ANKRD27: variants seen among roughly 807,000 people sequenced by gnomAD.
ANKRD27 encodes the protein ankyrin repeat domain 27.
Under a neutral mutation model 129.7 loss-of-function variants are expected in ANKRD27, and 112 were observed. The observed-to-expected ratio is 0.86, with a 90% confidence interval of 0.74 to 1.01. The LOEUF (loss-of-function observed/expected upper bound fraction) is 1.01. ANKRD27 is among the 50% of genes least tolerant of loss of function. The pLI, the probability that ANKRD27 is intolerant of heterozygous loss-of-function variation, is 0.00. For missense variants in ANKRD27, 1,258 were observed against 1,300.5 expected, an observed-to-expected ratio of 0.97 and a Z score of 0.50; for synonymous variants, 516 against 511.2, an observed-to-expected ratio of 1.01 and a Z score of -0.13.
chr19:32,664,901 CAG>C (rs1376418508), intron 1 of ANKRD27, among the ~76,000 whole-genome samples: 5 of 116,514 alleles, frequency 4.3e-5, no homozygotes, highest in Non-Finnish European at 6.5e-5. Flanking sequence ...GCCTGGGTGA[CAG>C]AGTGAGACTC....
intron 28 of ANKRD27, among the ~76,000 whole-genome samples, chr19:32,598,905 C>T (rs1407393907): frequency 6.6e-6 from 1 of 152,168 alleles, no homozygotes; most frequent in Non-Finnish European, 1.5e-5. Flanking sequence ...AAATTCTCAT[C>T]AGCAACAAGG....
At chr19:32,599,931 A>G (rs749189618) in intron 27 of ANKRD27, 41 bp downstream of exon 27, 5 of 1,570,386 alleles carry the variant, frequency 3.2e-6, no homozygotes, top group Middle Eastern at 1.7e-4. Flanking sequence ...GGAGTAAACT[A>G]GGGGCAAAAG....
At chr19:32,625,146 C>T (rs1014427674) in intron 17 of ANKRD27, among the ~76,000 whole-genome samples, 1 of 151,552 alleles carries the variant, frequency 6.6e-6, no homozygotes, top group Non-Finnish European at 1.5e-5. Flanking sequence ...ATCCCAGCTA[C>T]TCGGGAGGCT....
At position 32,607,956 on chromosome 19, in the gene ANKRD27, ATGG is replaced by A. The variant is rs1971773353; in HGVS notation, c.2176-127_2176-125del. 4 of 993,710 alleles carry A rather than the reference ATGG, an allele frequency of 4.0e-6. No individual in the cohort carries two copies. The East Asian group carries it at 1.0e-4, about 26-fold the overall frequency. 61.6% of individuals were successfully genotyped at this position (993,710 alleles called of 1,614,324 possible). ...ATGCGGGATCATGGCGGGATCCAGGATGGATTCCAATTTGTTTAGAAGTATGTG... is the reference window on the plus strand; with the variant it reads ...ATGCGGGATCATGGCGGGATCCAGGAATTCCAATTTGTTTAGAAGTATGTG... On this transcript the variant is annotated intron_variant, in intron 22 of 28. Coordinates refer to ENST00000306065, the MANE Select transcript of ANKRD27 (RefSeq NM_032139.3).
chr19:32,647,628 T>C (rs147030707), intron 3 of ANKRD27, among the ~76,000 whole-genome samples: 198 of 152,320 alleles, frequency 1.3e-3, no homozygotes, highest in African/African-American at 4.3e-3. Context: ...TGTCAGTGCA[T>C]CTGCTCTGCC....
At chr19:32,642,946 C>A in intron 9 of ANKRD27, 177 bp downstream of exon 9, 1 of 650,490 alleles carries the variant, frequency 1.5e-6, no homozygotes, top group East Asian at 2.7e-5. Context: ...GGGACGGCCA[C>A]ACACAGTCAC....
At chr19:32,630,449 C>T (rs1262314377) in intron 13 of ANKRD27, among the ~76,000 whole-genome samples, 5 of 152,238 alleles carry the variant, frequency 3.3e-5, no homozygotes, top group Non-Finnish European at 7.3e-5. Flanking sequence ...CCAGTGCACA[C>T]GCCCATAAAC....
At chr19:32,665,169 C>A (rs559786547) in intron 1 of ANKRD27, among the ~76,000 whole-genome samples, 1 of 152,092 alleles carries the variant, frequency 6.6e-6, no homozygotes, top group Non-Finnish European at 1.5e-5. Context: ...AAGCTCCCCT[C>A]CAGCTTGTTC....
chr19:32,651,005 A>C (rs777205097), intron 2 of ANKRD27, among the ~76,000 whole-genome samples: 1 of 152,026 alleles, frequency 6.6e-6, no homozygotes, highest in Non-Finnish European at 1.5e-5. Flanking sequence ...TTGGCCTCCC[A>C]AAGTGCTGGG....
chr19:32,638,854 C>G (rs1967139666), intron 12 of ANKRD27: 1 of 181,278 alleles, frequency 5.5e-6, no homozygotes. Flanking sequence ...CGCCACTCCA[C>G]ACCTGGCTCG....
At chr19:32,651,224 G>A (rs1263464473) in intron 2 of ANKRD27, among the ~76,000 whole-genome samples, 1 of 152,182 alleles carries the variant, frequency 6.6e-6, no homozygotes. Flanking sequence ...GTGGGCCACA[G>A]GCAATGGGAT....
rs1239893072 is a variant in ANKRD27 at position 32,604,249 on chromosome 19, C to T, written c.2655+14G>A. 6.3e-7 allele frequency: 1 copy of T among 1,587,576 alleles called. No individual in the cohort carries two copies. The highest frequency in any genetic ancestry group is 8.6e-7 in the Non-Finnish European group (1 of 1,160,286). ...GCTCAGGATTCCCTCGGCTCTTCGA[C>T]CCTCTCCACCTACCTGTTCAGCACA... On this transcript the variant is annotated intron_variant, in intron 25 of 28. Transcript: ENST00000306065.
intron 2 of ANKRD27, among the ~76,000 whole-genome samples, chr19:32,654,301 C>T (rs1967478467): frequency 1.3e-5 from 2 of 152,134 alleles, no homozygotes; most frequent in Admixed American, 6.5e-5. Flanking sequence ...AAGGTTATGA[C>T]CAGCCTGGGC....
At chr19:32,628,454 A>AG (rs1966930446) in intron 14 of ANKRD27, among the ~76,000 whole-genome samples, 1 of 152,214 alleles carries the variant, frequency 6.6e-6, no homozygotes, top group Non-Finnish European at 1.5e-5. Flanking sequence ...CATTCCTCCC[A>AG]TCCTAAAACC....
In ANKRD27 at chr19:32,607,722, G is replaced by C. The variant is rs1017929684; in HGVS notation, c.2286C>G (p.Leu762=). 2 of 1,613,082 alleles carry C rather than the reference G, an allele frequency of 1.2e-6. No individual in the cohort carries two copies. Among genetic ancestry groups the C allele is most frequent in the Non-Finnish European group, 1.7e-6 (2 of 1,179,738 alleles). The part of the protein sequence containing the change: ...ALHGRADLIP[L]LLKHGANAGA... The stretch of plus-strand genomic sequence containing the variant: ...CTGCGTTGGCCCCGTGCTTCAGCAG[G>C]AGGGGGATGAGGTCCGCCCGGCCGT... Residue 762 remains leucine (L), a synonymous_variant, in exon 23 of 29, where the codon CTC becomes CTG. Transcript: ENST00000306065.
chr19:32,640,912 T>C (rs983204781), intron 10 of ANKRD27, among the ~76,000 whole-genome samples: 2 of 151,924 alleles, frequency 1.3e-5, no homozygotes, highest in African/African-American at 4.8e-5. Flanking sequence ...TGTTTGTTTG[T>C]TTTTGAAACG....
chr19:32,599,688 G>A lies in ANKRD27; in HGVS notation c.2919+16C>T, dbSNP rs746642993. 1.9e-6 allele frequency: 3 copies of A among 1,603,714 alleles called. No homozygotes were observed. The highest frequency in any genetic ancestry group is 1.7e-5 in the Admixed American group (1 of 57,254). On this transcript the variant is annotated intron_variant, in intron 28 of 28. Transcript: ENST00000306065. ...CTTTAGAAAATATGATTAAAAGCCA[G>A]TGTTTAATAACTTACCTCATGCAAA...
chr19:32,632,675 T>TA (rs1967018318), intron 12 of ANKRD27, among the ~76,000 whole-genome samples: 1 of 151,884 alleles, frequency 6.6e-6, no homozygotes, highest in Non-Finnish European at 1.5e-5. Context: ...AATGCTTCCT[T>TA]GAGCACCTGC....
Position 32,626,711 on chromosome 19 carries a change from C to A in ANKRD27, c.1536+1G>T. The A allele has an allele frequency of 1.9e-6, 3 of 1,601,546 alleles. No homozygotes were observed. The highest frequency in any genetic ancestry group is 1.7e-6 in the Non-Finnish European group (2 of 1,173,774). ...CCCGCCACAAAGGCACCACTGCTCA[C>A]CGTCACGCTCTGGTAGCCCTTCTGA... On this transcript the variant is annotated splice_donor_variant, in intron 16 of 28. Coordinates refer to ENST00000306065, the MANE Select transcript of ANKRD27 (RefSeq NM_032139.3). LOFTEE classifies it high-confidence loss of function.
Sources: allele counts gnomAD v4.1 joint callset (sites outside exome capture counted in the v4.1 genomes callset), GRCh38; gene constraint gnomAD v4.1.1; transcripts MANE v1.5; gene names NCBI Gene and HGNC (gene_info 2026-07-23, HGNC 2026-07-21).